The following BANF2 variants were observed in gnomAD, a reference collection of about 807,000 sequenced individuals.
BANF2 encodes barrier-to-autointegration factor-like protein.
In BANF2, 4 loss-of-function variants were observed where a neutral mutation model predicts 8.0. That is an observed-to-expected ratio of 0.50 (90% confidence interval 0.25 to 1.14). BANF2 has a LOEUF of 1.14. Ranked by LOEUF, BANF2 falls within the 50% of genes most tolerant of loss-of-function variation. The pLI is 0.16. For synonymous variants in BANF2, 50 were observed against 40.6 expected (o/e 1.23, Z -0.88); for missense variants, 96 against 107.5 (o/e 0.89, Z 0.47).
chr20:17,705,209 C>A (rs1478447332), intron 1 of BANF2, among the ~76,000 whole-genome samples: 1 of 152,162 alleles, frequency 6.6e-6, no homozygotes, highest in Non-Finnish European at 1.5e-5. Flanking sequence ...CCCACCCAAG[C>A]CACATTGGAT....
At chr20:17,722,668 G>A (rs1042962470) in intron 1 of BANF2, 48 bp from the exon 2 acceptor site, 94 of 929,076 alleles carry the variant, frequency 1.0e-4, no homozygotes, top group Non-Finnish European at 1.2e-4. Flanking sequence ...GACCCACAGA[G>A]TCAGGGGACC....
chr20:17,702,047 A>T (rs1402152106), intron 1 of BANF2, among the ~76,000 whole-genome samples: 4 of 152,166 alleles, frequency 2.6e-5, no homozygotes, highest in Non-Finnish European at 4.4e-5. Flanking sequence ...CGTTTCTCAG[A>T]TGAGCATGGT....
chr20:17,718,202 GTTTGTT>G (rs10678979), intron 1 of BANF2, among the ~76,000 whole-genome samples: 1 of 151,816 alleles, frequency 6.6e-6, no homozygotes, highest in Non-Finnish European at 1.5e-5. Context: ...GTGTTCGTTT[GTTTGTT>G]TTTGTTTTTG....
chr20:17,714,883 T>C (rs541243650), intron 1 of BANF2, among the ~76,000 whole-genome samples: 2 of 152,268 alleles, frequency 1.3e-5, no homozygotes, highest in South Asian at 4.1e-4. Flanking sequence ...CTCCCCGCCC[T>C]GTGCCCCCAA....
At chr20:17,701,081 C>T (rs2086236668) in intron 1 of BANF2, among the ~76,000 whole-genome samples, 1 of 152,168 alleles carries the variant, frequency 6.6e-6, no homozygotes, top group South Asian at 2.1e-4. Flanking sequence ...TGCCATCCCT[C>T]CTTAGTTTTA....
intron 1 of BANF2, among the ~76,000 whole-genome samples, chr20:17,711,077 T>C (rs1211693759): frequency 6.6e-6 from 1 of 152,232 alleles, no homozygotes; most frequent in Non-Finnish European, 1.5e-5. Flanking sequence ...TTATGTTGTG[T>C]TTATCTGAAA....
At chr20:17,714,197 C>CAAAAAAAAAA (rs11375517) in intron 1 of BANF2, among the ~76,000 whole-genome samples, 2 of 75,200 alleles carry the variant, frequency 2.7e-5, no homozygotes, top group Middle Eastern at 8.2e-3. Flanking sequence ...GAGACTCTGT[C>CAAAAAAAAAA]AAAAAAAAAA....
intron 1 of BANF2, among the ~76,000 whole-genome samples, chr20:17,714,978 G>A (rs1385178540): frequency 2.6e-5 from 4 of 152,200 alleles, no homozygotes; most frequent in Non-Finnish European, 5.9e-5. Flanking sequence ...ATACCATCTA[G>A]AGACTGTAAA....
intron 1 of BANF2, among the ~76,000 whole-genome samples, chr20:17,708,231 A>G (rs2037515478): frequency 6.6e-6 from 1 of 151,956 alleles, no homozygotes; most frequent in African/African-American, 2.4e-5. Flanking sequence ...CTCGAACAAA[A>G]ACAAAAACAA....
At chr20:17,734,816 G>A (rs1376394973) in intron 3 of BANF2, among the ~76,000 whole-genome samples, 1 of 152,226 alleles carries the variant, frequency 6.6e-6, no homozygotes, top group Non-Finnish European at 1.5e-5. Context: ...TATGGGCACA[G>A]TGGCTTACCC....
intron 1 of BANF2, among the ~76,000 whole-genome samples, chr20:17,711,259 C>G (rs760049966): frequency 3.3e-5 from 5 of 152,206 alleles, no homozygotes; most frequent in Non-Finnish European, 7.3e-5. Flanking sequence ...TGGCCTCCCC[C>G]GGGGCCCCCC....
chr20:17,717,022 C>T (rs2037664851), intron 1 of BANF2, among the ~76,000 whole-genome samples: 1 of 152,106 alleles, frequency 6.6e-6, no homozygotes, highest in Non-Finnish European at 1.5e-5. Context: ...AGGCCAGCCA[C>T]CCTCATTTTC....
chr20:17,705,312 G>A (rs554351030), intron 1 of BANF2, among the ~76,000 whole-genome samples: 1 of 152,322 alleles, frequency 6.6e-6, no homozygotes, highest in South Asian at 2.1e-4. Context: ...CATGAGAACA[G>A]GTGTTGAAGT....
chr20:17,697,377 G>C (rs932927145), upstream of BANF2, among the ~76,000 whole-genome samples: 2 of 152,100 alleles, frequency 1.3e-5, no homozygotes, highest in African/African-American at 4.8e-5. Context: ...GCCTCCCCCT[G>C]AGCATATCAG....
chr20:17,701,252 T>C (rs1360682320), intron 1 of BANF2, among the ~76,000 whole-genome samples: 1 of 152,204 alleles, frequency 6.6e-6, no homozygotes, highest in African/African-American at 2.4e-5. Context: ...GTCCCCGTCC[T>C]GCAGCAGGTT....
chr20:17,695,061 G>A (rs6111616), upstream of BANF2, among the ~76,000 whole-genome samples: 24,627 of 152,084 alleles, frequency 0.16, 2,100 homozygotes, highest in Middle Eastern at 0.25. Flanking sequence ...CTTTGACCAA[G>A]GACTCTGTTT....
intron 3 of BANF2, among the ~76,000 whole-genome samples, chr20:17,725,643 C>T (rs1319613101): frequency 6.6e-6 from 1 of 152,184 alleles, no homozygotes; most frequent in African/African-American, 2.4e-5. Flanking sequence ...TCAAGGATAT[C>T]CAGTGGAATT....
Position 17,735,855 on chromosome 20 carries a change from G to C in BANF2, c.*44G>C. 2 of 1,586,020 alleles carry C rather than the reference G, an allele frequency of 1.3e-6. No homozygotes were observed. Among genetic ancestry groups the C allele is most frequent in the Non-Finnish European group, 1.7e-6 (2 of 1,160,394 alleles). On this transcript the variant is annotated 3_prime_UTR_variant, in exon 4 of 4. Transcript: ENST00000246090. ...CCCCCCACCACCCTCTGGGGAAAAT[G>C]ACGCCTTCTCCACCTATGCCCAGGC...
intron 3 of BANF2, among the ~76,000 whole-genome samples, chr20:17,727,120 G>A (rs936431665): frequency 6.6e-6 from 1 of 152,138 alleles, no homozygotes; most frequent in Non-Finnish European, 1.5e-5. Flanking sequence ...AAAAATGAAT[G>A]AATAATGGAA....
Sources: allele counts gnomAD v4.1 joint callset (sites outside exome capture counted in the v4.1 genomes callset), GRCh38; gene constraint gnomAD v4.1.1; transcripts MANE v1.5; gene names NCBI Gene and HGNC (gene_info 2026-07-23, HGNC 2026-07-21).